The following CATSPERE variants were observed in gnomAD, a reference collection of about 807,000 sequenced individuals.
The protein encoded by CATSPERE is catsper channel auxiliary subunit epsilon.
In CATSPERE, 93 loss-of-function variants were observed where a neutral mutation model predicts 114.1. That is an observed-to-expected ratio of 0.81 (90% CI 0.69 to 0.97). The LOEUF is 0.97. Among genes scored for constraint, CATSPERE ranks in the 50% least tolerant of loss-of-function variants. The pLI is 0.00. For synonymous variants in CATSPERE, 341 were observed against 384.1 expected (o/e 0.89, Z 1.31); for missense variants, 1,058 against 1,131.6 (o/e 0.93, Z 0.93).
chr1:244,587,779 T>C (rs142643641), intron 13 of CATSPERE, among the ~76,000 whole-genome samples: 6 of 152,328 alleles, frequency 3.9e-5, no homozygotes, highest in African/African-American at 1.4e-4. Flanking sequence ...ATTACTGGTC[T>C]ACAAAAGTGA....
chr1:244,620,227 GTTTC>G (rs934036972), intron 20 of CATSPERE, among the ~76,000 whole-genome samples: 8 of 152,186 alleles, frequency 5.3e-5, no homozygotes, highest in African/African-American at 1.7e-4. Context: ...ACAGATCGCT[GTTTC>G]TTTCATTTTG....
At chr1:244,589,161 T>A (rs1667404952) in intron 14 of CATSPERE, among the ~76,000 whole-genome samples, 1 of 152,194 alleles carries the variant, frequency 6.6e-6, no homozygotes. Context: ...ACAAATCTGT[T>A]TAGCTGAGGC....
chr1:244,551,907 A>G (rs1660696141), intron 8 of CATSPERE, among the ~76,000 whole-genome samples: 1 of 151,830 alleles, frequency 6.6e-6, no homozygotes, highest in Non-Finnish European at 1.5e-5. Flanking sequence ...TACTAAAAAT[A>G]CAAAGAATTA....
chr1:244,471,158 C>T (rs74151401), intron 2 of CATSPERE, among the ~76,000 whole-genome samples: 3,924 of 152,142 alleles, frequency 0.026, 179 homozygotes, highest in African/African-American at 0.084. Flanking sequence ...AATTGTATGA[C>T]GTGAATTATA....
intron 20 of CATSPERE, among the ~76,000 whole-genome samples, chr1:244,623,763 T>C (rs975005051): frequency 1.3e-5 from 2 of 152,240 alleles, no homozygotes; most frequent in Non-Finnish European, 2.9e-5. Flanking sequence ...CTGTAGTCTA[T>C]TAAGTGTGCA....
chr1:244,593,382 G>T lies in CATSPERE; in HGVS notation c.2190-13G>T. ...AGAGGAAAGAGAAATAATGAGGAATGTCTTTTTCACAGGTCATATCTGAGG... is the reference window on the plus strand; with the variant it reads ...AGAGGAAAGAGAAATAATGAGGAATTTCTTTTTCACAGGTCATATCTGAGG... On this transcript the variant is annotated splice_polypyrimidine_tract_variant and intron_variant, in intron 15 of 21. Transcript: ENST00000366534. 1 of 1,611,408 alleles carries T rather than the reference G, an allele frequency of 6.2e-7. No individual in the cohort carries two copies. The highest frequency in any genetic ancestry group is 1.1e-5 in the South Asian group (1 of 90,688).
intron 20 of CATSPERE, among the ~76,000 whole-genome samples, chr1:244,620,802 TA>T (rs1671991193): frequency 6.6e-6 from 1 of 151,096 alleles, no homozygotes; most frequent in African/African-American, 2.4e-5. Flanking sequence ...TGGAGTTCTC[TA>T]AAGACACTCT....
At chr1:244,566,152 A>G (rs2148552028) in intron 10 of CATSPERE, among the ~76,000 whole-genome samples, 1 of 152,314 alleles carries the variant, frequency 6.6e-6, no homozygotes, top group Middle Eastern at 3.4e-3. Flanking sequence ...CTTAATCCTG[A>G]GTTCTAATTT....
chr1:244,535,157 G>A (rs922075209), intron 8 of CATSPERE, among the ~76,000 whole-genome samples: 2 of 152,214 alleles, frequency 1.3e-5, no homozygotes, highest in African/African-American at 4.8e-5. Flanking sequence ...AGCTGGGGGA[G>A]GGGTGACACA....
intron 20 of CATSPERE, among the ~76,000 whole-genome samples, chr1:244,631,606 C>G (rs1419799873): frequency 6.6e-6 from 1 of 152,006 alleles, no homozygotes; most frequent in Non-Finnish European, 1.5e-5. Flanking sequence ...TACAACTCGA[C>G]AATAAGAAAA....
At chr1:244,499,164 G>A in intron 7 of CATSPERE, 85 bp downstream of exon 7, 1 of 1,015,330 alleles carries the variant, frequency 9.8e-7, no homozygotes, top group East Asian at 2.5e-5. Context: ...ATAATCAATA[G>A]ACAGGATTTT....
intron 17 of CATSPERE, among the ~76,000 whole-genome samples, chr1:244,598,177 A>C (rs1262103819): frequency 6.6e-6 from 1 of 152,212 alleles, no homozygotes; most frequent in African/African-American, 2.4e-5. Context: ...GTTTCTCATC[A>C]AGCTCAATCA....
intron 8 of CATSPERE, among the ~76,000 whole-genome samples, chr1:244,535,532 GCCA>G (rs1553346899): frequency 2.0e-5 from 3 of 152,044 alleles, no homozygotes; most frequent in Non-Finnish European, 4.4e-5. Context: ...TTTCCCTGTG[GCCA>G]CCACCACCAC....
intron 5 of CATSPERE, among the ~76,000 whole-genome samples, chr1:244,483,985 C>T (rs1261719287): frequency 6.6e-6 from 1 of 152,056 alleles, no homozygotes; most frequent in Non-Finnish European, 1.5e-5. Flanking sequence ...AGTTTTTGTA[C>T]AAGCTTAGAA....
At chr1:244,625,428 A>T (rs372737746) in intron 20 of CATSPERE, among the ~76,000 whole-genome samples, 521 of 3,710 alleles carry the variant, frequency 0.14, 58 homozygotes, top group Non-Finnish European at 0.23. Context: ...ATATATATAT[A>T]TATATTTTTT....
rs1672153625 is a variant in CATSPERE at position 244,621,117 on chromosome 1, A to T, written c.2648+3431A>T. On this transcript the variant is annotated intron_variant, in intron 20 of 21. Coordinates refer to ENST00000366534, the MANE Select transcript of CATSPERE (RefSeq NM_001130957.2). Reference sequence around the variant, plus strand: ...TAAAATATATATAAATATATATATAATATATATATAAATATATATAAAATA... The same window carrying T: ...TAAAATATATATAAATATATATATATTATATATATAAATATATATAAAATA... Among the ~76,000 whole-genome samples, 4 of 83,046 alleles carry T rather than the reference A, an allele frequency of 4.8e-5. 1 individual carries two copies. The highest frequency in any genetic ancestry group is 6.5e-5 in the Non-Finnish European group (3 of 45,998). The allele number at this position is 83,046 out of a possible 152,430, so 54.5% of individuals were successfully genotyped here. A position where few individuals can be genotyped will look rare whatever the true frequency, so the allele number is the denominator to read the frequency against.
At chr1:244,585,124 C>T (rs565429619) in intron 13 of CATSPERE, among the ~76,000 whole-genome samples, 73 of 152,202 alleles carry the variant, frequency 4.8e-4, no homozygotes, top group African/African-American at 1.5e-3. Context: ...ATTACAAAAT[C>T]AGGTTCATCT....
At chr1:244,492,103 C>T (rs1353174896) in intron 6 of CATSPERE, among the ~76,000 whole-genome samples, 1 of 152,092 alleles carries the variant, frequency 6.6e-6, no homozygotes, top group African/African-American at 2.4e-5. Flanking sequence ...ATGAGGCCAG[C>T]ATCATCCTGA....
intron 6 of CATSPERE, among the ~76,000 whole-genome samples, chr1:244,495,669 C>G (rs1042547885): frequency 1.3e-5 from 2 of 151,962 alleles, no homozygotes; most frequent in South Asian, 4.1e-4. Context: ...TGCAGTGAGC[C>G]GAGATTGCGC....
Sources: gnomAD v4.1 joint callset for allele counts (sites outside exome capture counted in the v4.1 genomes callset) on GRCh38, gnomAD v4.1.1 for gene constraint, MANE v1.5 for transcripts, NCBI Gene and HGNC (gene_info 2026-07-23, HGNC 2026-07-21) for gene names.